The following CCDC146 variants were observed in gnomAD, a reference collection of about 807,000 sequenced individuals.
CCDC146 encodes coiled-coil domain-containing protein 146.
In CCDC146, 92 loss-of-function variants were observed where a neutral mutation model predicts 119.3. That is an observed-to-expected ratio of 0.77 (90% CI 0.65 to 0.92). The LOEUF is 0.92. CCDC146 is among the 40% of genes least tolerant of loss of function. CCDC146 has a pLI of 0.00. For synonymous variants in CCDC146, 372 were observed against 371.8 expected, an observed-to-expected ratio of 1.00 and a Z score of -0.01; for missense variants, 1,000 against 1,103.0, an observed-to-expected ratio of 0.91 and a Z score of 1.32.
chr7:77,229,025 G>A (rs1049553170), intron 2 of CCDC146, among the ~76,000 whole-genome samples: 4 of 152,220 alleles, frequency 2.6e-5, no homozygotes, highest in Admixed American at 6.5e-5. Context: ...TCTGACTGGT[G>A]TGAGATGGTG....
At position 77,295,000 on chromosome 7, in the gene CCDC146, G is replaced by T; in HGVS notation, c.*134G>T. On this transcript the variant is annotated 3_prime_UTR_variant, in exon 19 of 19. Coordinates refer to ENST00000285871, the MANE Select transcript of CCDC146 (RefSeq NM_020879.3). The stretch of plus-strand genomic sequence containing the variant: ...GTAACCACAATTAGTCAGCAACAGA[G>T]TACAACAGGGTTTCTATTTACCCAC... 1.5e-6 allele frequency: 1 copy of T among 682,322 alleles called. No individual in the cohort carries two copies. Among genetic ancestry groups the T allele is most frequent in the South Asian group, 1.9e-5 (1 of 51,814 alleles). 42.3% of individuals were successfully genotyped at this position (682,322 alleles called of 1,614,324 possible). A position where few individuals can be genotyped will look rare whatever the true frequency, so the allele number is the denominator to read the frequency against.
intron 15 of CCDC146, among the ~76,000 whole-genome samples, chr7:77,283,501 T>A (rs10953190): frequency 0.11 from 17,209 of 151,898 alleles, 1,098 homozygotes; most frequent in African/African-American, 0.16. Context: ...CCTATAATAT[T>A]TTTTTTTAAA....
intron 9 of CCDC146, among the ~76,000 whole-genome samples, chr7:77,263,907 G>C (rs568184641): frequency 6.6e-6 from 1 of 152,262 alleles, no homozygotes; most frequent in Admixed American, 6.5e-5. Flanking sequence ...CTGGGCAACA[G>C]AGCCAGACTC....
Position 77,122,917 on chromosome 7 carries a change from C to T in CCDC146, c.-12+185C>T, listed in dbSNP as rs568315254. 9.9e-5 allele frequency among the ~76,000 whole-genome samples: 15 copies of T among 151,808 alleles called. No homozygotes were observed. In the East Asian group the frequency reaches 2.9e-3, roughly 29 times the overall value. On this transcript the variant is annotated intron_variant, in intron 1 of 18. Transcript: ENST00000285871. ...AATTGCCTCTTTGGAAGTGTATTCC[C>T]TCCTATATTCCAAATATAGGAATAG...
chr7:77,229,843 GT>G (rs1396838019), intron 2 of CCDC146, among the ~76,000 whole-genome samples: 1 of 152,086 alleles, frequency 6.6e-6, no homozygotes, highest in Non-Finnish European at 1.5e-5. Flanking sequence ...CTTTTAAAGT[GT>G]TTTTAATGGC....
At chr7:77,129,183 G>A (rs1790748884) in intron 1 of CCDC146, among the ~76,000 whole-genome samples, 2 of 152,116 alleles carry the variant, frequency 1.3e-5, no homozygotes, top group Non-Finnish European at 2.9e-5. Flanking sequence ...AGAACATGAT[G>A]AAATCTTGCA....
At chr7:77,127,059 C>T (rs954890245) in intron 1 of CCDC146, among the ~76,000 whole-genome samples, 6 of 152,158 alleles carry the variant, frequency 3.9e-5, no homozygotes, top group African/African-American at 1.4e-4. Flanking sequence ...GCAGACACCC[C>T]AAGCCTGCAG....
intron 2 of CCDC146, among the ~76,000 whole-genome samples, chr7:77,192,259 T>C (rs1485999532): frequency 1.3e-5 from 2 of 152,208 alleles, no homozygotes; most frequent in Non-Finnish European, 2.9e-5. Context: ...GCTTTATATA[T>C]GTGATTTAAT....
In CCDC146 at chr7:77,241,853, T is replaced by C. The variant is rs1309917296; in HGVS notation, c.402T>C (p.Tyr134=). The part of the protein sequence containing the change: ...REQLLKYQNE[Y]NAVKEREFHN... ...AACTTCTCAAGTATCAAAATGAATA[T>C]AATGCAGTGAAGGAAAGAGAGTTCC... Residue 134 remains tyrosine, a synonymous_variant, in exon 4 of 19, where the codon TAT becomes TAC. Coordinates refer to ENST00000285871, the MANE Select transcript of CCDC146 (RefSeq NM_020879.3). The C allele has an allele frequency of 6.2e-7, 1 of 1,613,856 alleles. No homozygotes were observed. Among genetic ancestry groups the C allele is most frequent in the Admixed American group, 1.7e-5 (1 of 59,994 alleles).
intron 11 of CCDC146, among the ~76,000 whole-genome samples, chr7:77,278,072 T>A (rs1793684128): frequency 6.6e-6 from 1 of 152,188 alleles, no homozygotes; most frequent in Non-Finnish European, 1.5e-5. Context: ...TACAAAAGAA[T>A]GGAAAGCACT....
At position 77,137,152 on chromosome 7, in the gene CCDC146, A is replaced by G. The variant is rs1267365964; in HGVS notation, c.-12+14420A>G. On this transcript the variant is annotated intron_variant, in intron 1 of 18. Coordinates refer to ENST00000285871, the MANE Select transcript of CCDC146 (RefSeq NM_020879.3). Reference sequence around the variant, plus strand: ...CTATATAAAACCTGTAGCTAACATCATACTTAAAGGTGAGAAACTAGAAGC... The same window carrying G: ...CTATATAAAACCTGTAGCTAACATCGTACTTAAAGGTGAGAAACTAGAAGC... Among the ~76,000 whole-genome samples, 9 of 152,116 alleles carry G rather than the reference A, an allele frequency of 5.9e-5. 1 individual carries two copies. In the East Asian group the frequency reaches 1.7e-3, roughly 29 times the overall value.
intron 2 of CCDC146, among the ~76,000 whole-genome samples, chr7:77,192,123 C>T (rs1010256265): frequency 6.6e-6 from 1 of 151,986 alleles, no homozygotes. Context: ...GATGGGGTTT[C>T]ACCATGTTGG....
intron 4 of CCDC146, among the ~76,000 whole-genome samples, chr7:77,246,103 G>A (rs1396670713): frequency 6.6e-6 from 1 of 151,844 alleles, no homozygotes; most frequent in Non-Finnish European, 1.5e-5. Context: ...TATAGTTAGA[G>A]GACCGTGGGT....
intron 1 of CCDC146, among the ~76,000 whole-genome samples, chr7:77,159,380 T>C (rs1791224492): frequency 6.6e-6 from 1 of 152,246 alleles, no homozygotes; most frequent in Admixed American, 6.5e-5. Context: ...TTAAGTTCCA[T>C]ATATAAGTGA....
chr7:77,214,469 TTTG>T (rs1792260625), intron 2 of CCDC146, among the ~76,000 whole-genome samples: 1 of 152,186 alleles, frequency 6.6e-6, no homozygotes, highest in Non-Finnish European at 1.5e-5. Flanking sequence ...TTTGTCAATT[TTTG>T]TTGTTGTTGC....
intron 1 of CCDC146, among the ~76,000 whole-genome samples, chr7:77,136,697 G>A (rs543300097): frequency 3.0e-4 from 45 of 152,184 alleles, no homozygotes; most frequent in African/African-American, 9.4e-4. Context: ...AAGCCTTTAA[G>A]GAAAAAATTA....
chr7:77,126,505 G>C (rs1790691273), intron 1 of CCDC146, among the ~76,000 whole-genome samples: 1 of 152,034 alleles, frequency 6.6e-6, no homozygotes, highest in African/African-American at 2.4e-5. Flanking sequence ...TCTGTAGGAA[G>C]ATCATCTGTC....
chr7:77,201,387 CAAAA>C (rs56093311), intron 2 of CCDC146, among the ~76,000 whole-genome samples: 1 of 133,292 alleles, frequency 7.5e-6, no homozygotes. Flanking sequence ...ACTAAAAATA[CAAAA>C]AAAAAAAAAA....
intron 2 of CCDC146, among the ~76,000 whole-genome samples, chr7:77,230,220 T>C (rs1792598174): frequency 6.6e-6 from 1 of 151,924 alleles, no homozygotes; most frequent in East Asian, 1.9e-4. Flanking sequence ...TTGTTTCTCT[T>C]TTTTTTTACT....
Sources: allele counts gnomAD v4.1 joint callset (sites outside exome capture counted in the v4.1 genomes callset), GRCh38; gene constraint gnomAD v4.1.1; transcripts MANE v1.5; gene names NCBI Gene and HGNC (gene_info 2026-07-23, HGNC 2026-07-21).